Variants in KLF8 observed in about 807,000 individuals in gnomAD.
KLF8 encodes Krueppel-like factor 8.
A neutral mutation model predicts 18.2 loss-of-function variants in KLF8; 10 were observed. The ratio of observed to expected loss-of-function variants is 0.55; its 90% CI spans 0.34 to 0.93. The LOEUF (loss-of-function observed/expected upper bound fraction) is 0.93. Ranked by LOEUF, KLF8 falls within the 40% of genes least tolerant of loss-of-function variation. The pLI is 0.02. For missense variants in KLF8, 264 were observed against 277.9 expected (o/e 0.95, Z 0.36); for synonymous variants, 109 against 97.3 (o/e 1.12, Z -0.71).
chrX:56,084,073 C>A, the KLF8 span, among the ~76,000 whole-genome samples: 1 of 111,488 alleles, frequency 9.0e-6, no homozygotes, highest in East Asian at 2.8e-4. Context: ...ATAAAATTGT[C>A]ACTATAAAAA....
the KLF8 span, among the ~76,000 whole-genome samples, chrX:56,138,498 C>CA: frequency 9.0e-6 from 1 of 111,550 alleles, no homozygotes; most frequent in South Asian, 3.7e-4. Flanking sequence ...TTCAGGGATG[C>CA]AAGGTTGGTT....
At chrX:56,087,227 A>G in the KLF8 span, among the ~76,000 whole-genome samples, 1 of 110,956 alleles carries the variant, frequency 9.0e-6, no homozygotes, top group East Asian at 2.9e-4. Flanking sequence ...AATATGTAGT[A>G]TGCCTGATAT....
chrX:56,146,461 A>G, the KLF8 span, among the ~76,000 whole-genome samples: 2 of 111,516 alleles, frequency 1.8e-5, no homozygotes, highest in African/African-American at 6.5e-5. Context: ...CTAACACAAG[A>G]ACAGAAAATC....
chrX:56,206,378 A>G, the KLF8 span, among the ~76,000 whole-genome samples: 2 of 112,055 alleles, frequency 1.8e-5, no homozygotes, highest in Non-Finnish European at 3.8e-5. Flanking sequence ...TCCACCTATG[A>G]GCCTGTAAAA....
chrX:56,107,389 C>T, the KLF8 span, among the ~76,000 whole-genome samples: 3 of 111,794 alleles, frequency 2.7e-5, no homozygotes, highest in Non-Finnish European at 5.7e-5. Context: ...TTCGAGCTTC[C>T]TGGATGCTTT....
At chrX:56,113,494 G>A in the KLF8 span, among the ~76,000 whole-genome samples, 6 of 97,876 alleles carry the variant, frequency 6.1e-5, no homozygotes, top group African/African-American at 2.4e-4. Context: ...ATTATTTTGT[G>A]TTGTTACTGA....
At chrX:55,946,756 C>G in the KLF8 span, among the ~76,000 whole-genome samples, 1 of 111,089 alleles carries the variant, frequency 9.0e-6, no homozygotes, top group Non-Finnish European at 1.9e-5. Flanking sequence ...GCGCTAATAT[C>G]CAGAATCTAC....
At chrX:56,192,134 T>C in the KLF8 span, among the ~76,000 whole-genome samples, 1 of 111,796 alleles carries the variant, frequency 8.9e-6, no homozygotes, top group Non-Finnish European at 1.9e-5. Context: ...AGTTGCAGGA[T>C]AAAAAGTGAA....
the KLF8 span, among the ~76,000 whole-genome samples, chrX:55,929,869 T>C: frequency 6.0e-4 from 66 of 109,962 alleles, no homozygotes; most frequent in Non-Finnish European, 1.1e-3. Flanking sequence ...TACGGGCTCT[T>C]TTTTGGTTCC....
chrX:56,199,308 C>G, the KLF8 span, among the ~76,000 whole-genome samples: 1 of 112,009 alleles, frequency 8.9e-6, no homozygotes, highest in African/African-American at 3.2e-5. Flanking sequence ...AGGCATCCTA[C>G]AGGATGTGAG....
chrX:56,139,581 G>C, the KLF8 span, among the ~76,000 whole-genome samples: 1 of 111,396 alleles, frequency 9.0e-6, no homozygotes, highest in African/African-American at 3.3e-5. Context: ...AAATGGTGCT[G>C]TGATTGAAAT....
chrX:55,926,715 G>A, the KLF8 span, among the ~76,000 whole-genome samples: 2 of 110,506 alleles, frequency 1.8e-5, no homozygotes, highest in Non-Finnish European at 3.8e-5. Context: ...ACTTGACTCT[G>A]AATAAATACA....
chrX:56,098,533 C>T, the KLF8 span, among the ~76,000 whole-genome samples: 3 of 110,965 alleles, frequency 2.7e-5, no homozygotes, highest in Non-Finnish European at 5.7e-5. Flanking sequence ...AATTAAGTAT[C>T]CTTTTATGAT....
chrX:56,039,047 TTTAATGTGG>T, the KLF8 span, among the ~76,000 whole-genome samples: 1 of 111,925 alleles, frequency 8.9e-6, no homozygotes, highest in Non-Finnish European at 1.9e-5. Context: ...TTGCCCACTT[TTTAATGTGG>T]TTTTTCTTTT....
the KLF8 span, among the ~76,000 whole-genome samples, chrX:55,983,090 T>C: frequency 0.085 from 9,525 of 111,463 alleles, 998 homozygotes; most frequent in African/African-American, 0.3. Flanking sequence ...TACCTAAAAT[T>C]AGAAAACTAC....
chrX:56,189,838 G>A, the KLF8 span, among the ~76,000 whole-genome samples: 1 of 86,548 alleles, frequency 1.2e-5, no homozygotes, highest in Non-Finnish European at 2.2e-5. Flanking sequence ...CATGGACACA[G>A]GAAGGGGAAC....
chrX:55,918,741 C>T, the KLF8 span, among the ~76,000 whole-genome samples: 3 of 107,690 alleles, frequency 2.8e-5, no homozygotes, highest in Non-Finnish European at 5.8e-5. Flanking sequence ...TGAGCGTGTC[C>T]GTGTGTGTGT....
the KLF8 span, among the ~76,000 whole-genome samples, chrX:55,934,750 T>C: frequency 2.7e-5 from 3 of 112,437 alleles, no homozygotes; most frequent in African/African-American, 9.7e-5. Flanking sequence ...AAGAAAAGTA[T>C]TGTTTGAAAA....
At chrX:56,159,369 C>T in the KLF8 span, among the ~76,000 whole-genome samples, 1 of 111,666 alleles carries the variant, frequency 9.0e-6, no homozygotes, top group Non-Finnish European at 1.9e-5. Flanking sequence ...GTGTCTCTGC[C>T]AGGCTTTTGT....
Sources: allele counts gnomAD v4.1 joint callset (sites outside exome capture counted in the v4.1 genomes callset), GRCh38; gene constraint gnomAD v4.1.1; transcripts MANE v1.5; gene names NCBI Gene and HGNC (gene_info 2026-07-23, HGNC 2026-07-21).